FNIP1: variants seen among roughly 807,000 people sequenced by gnomAD.
FNIP1 encodes folliculin interacting protein 1, also known as folliculin-interacting protein 1.
In FNIP1, 40 loss-of-function variants were observed where a neutral mutation model predicts 124.5. That is an observed-to-expected ratio of 0.32 (90% confidence interval 0.25 to 0.42). The LOEUF (loss-of-function observed/expected upper bound fraction) is 0.42. Among genes scored for constraint, FNIP1 ranks in the 10% least tolerant of loss-of-function variants. The pLI, the probability that FNIP1 is intolerant of heterozygous loss-of-function variation, is 1.00. For synonymous variants in FNIP1, 472 were observed against 470.6 expected, an observed-to-expected ratio of 1.00 and a Z score of -0.04; for missense variants, 1,176 against 1,403.7, an observed-to-expected ratio of 0.84 and a Z score of 2.59.
chr5:131,787,461 T>C (rs745760352), intron 1 of FNIP1, among the ~76,000 whole-genome samples: 4 of 152,184 alleles, frequency 2.6e-5, no homozygotes, highest in Non-Finnish European at 5.9e-5. Context: ...TCTGAACTCA[T>C]CAAGTCCATC....
At chr5:131,755,702 A>C (rs558152620) in intron 1 of FNIP1, among the ~76,000 whole-genome samples, 2 of 152,210 alleles carry the variant, frequency 1.3e-5, no homozygotes, top group African/African-American at 4.8e-5. Context: ...ATGGTAAAGC[A>C]CTGTTACAAA....
At chr5:131,688,061 T>A (rs531695695) in intron 11 of FNIP1, among the ~76,000 whole-genome samples, 34 of 151,868 alleles carry the variant, frequency 2.2e-4, no homozygotes, top group African/African-American at 8.2e-4. Context: ...AGGGGATGGC[T>A]AAGAAATACT....
intron 1 of FNIP1, among the ~76,000 whole-genome samples, chr5:131,786,622 C>T (rs192416780): frequency 6.6e-6 from 1 of 152,286 alleles, no homozygotes; most frequent in Admixed American, 6.5e-5. Context: ...ATCCTCAATG[C>T]AACAATTTTG....
At chr5:131,755,933 T>C (rs957233807) in intron 1 of FNIP1, among the ~76,000 whole-genome samples, 9 of 151,524 alleles carry the variant, frequency 5.9e-5, no homozygotes, top group African/African-American at 2.2e-4. Context: ...CGCTTGAACC[T>C]GGGAGGCAAA....
chr5:131,770,198 C>T lies in FNIP1; in HGVS notation c.93-25508G>A, dbSNP rs192045626. Among the ~76,000 whole-genome samples, 34 of 152,276 alleles carry T rather than the reference C, an allele frequency of 2.2e-4. 1 individual carries two copies. In the South Asian group the frequency reaches 2.3e-3, roughly 10 times the overall value. ...CTGACAAGCAAGTTGAAAAGCAGGC[C>T]CTAATGATCACAGGGCCCAGACTGG... On this transcript the variant is annotated intron_variant, in intron 1 of 17. Transcript: ENST00000510461.
intron 11 of FNIP1, among the ~76,000 whole-genome samples, chr5:131,696,555 T>C (rs1768698448): frequency 6.6e-6 from 1 of 152,262 alleles, no homozygotes; most frequent in South Asian, 2.1e-4. Context: ...TACTGAACTG[T>C]ACACCTAAAA....
chr5:131,783,916 A>G (rs1772078227), intron 1 of FNIP1, among the ~76,000 whole-genome samples: 1 of 152,076 alleles, frequency 6.6e-6, no homozygotes, highest in Non-Finnish European at 1.5e-5. Context: ...CATTCTCAGG[A>G]AACTCCTGGA....
At chr5:131,703,285 T>C (rs572525820) in intron 10 of FNIP1, among the ~76,000 whole-genome samples, 2 of 152,368 alleles carry the variant, frequency 1.3e-5, no homozygotes, top group South Asian at 4.1e-4. Context: ...TCTGGATTAC[T>C]GTAACAGTAT....
At chr5:131,755,236 C>A (rs1224889007) in intron 1 of FNIP1, among the ~76,000 whole-genome samples, 1 of 152,060 alleles carries the variant, frequency 6.6e-6, no homozygotes, top group African/African-American at 2.4e-5. Context: ...GCCTGGCCAA[C>A]ATGGCAAAAC....
chr5:131,722,594 T>G (rs1580784906), intron 3 of FNIP1, among the ~76,000 whole-genome samples: 1 of 152,216 alleles, frequency 6.6e-6, no homozygotes, highest in African/African-American at 2.4e-5. Flanking sequence ...ATTATTAGGG[T>G]TAAGATAATC....
At position 131,771,872 on chromosome 5, in the gene FNIP1, C is replaced by T. The variant is rs140621059; in HGVS notation, c.92+24958G>A. Among the ~76,000 whole-genome samples, 320 of 152,154 alleles carry T rather than the reference C, an allele frequency of 2.1e-3. 1 individual carries two copies. The highest frequency in any genetic ancestry group is 7.5e-3 in the African/African-American group (310 of 41,512). The stretch of plus-strand genomic sequence containing the variant: ...AAGCACAGCCTCTTATGTTCCATTC[C>T]ACCTACGCACATTTGACACTATGAC... On this transcript the variant is annotated intron_variant, in intron 1 of 17. Coordinates refer to ENST00000510461, the MANE Select transcript of FNIP1 (RefSeq NM_133372.3).
At chr5:131,770,939 CTTTT>C (rs928445219) in intron 1 of FNIP1, among the ~76,000 whole-genome samples, 1 of 151,960 alleles carries the variant, frequency 6.6e-6, no homozygotes, top group Non-Finnish European at 1.5e-5. Flanking sequence ...GATATAAATT[CTTTT>C]TTTTATTATT....
At chr5:131,788,955 T>C (rs932667546) in intron 1 of FNIP1, among the ~76,000 whole-genome samples, 5 of 152,154 alleles carry the variant, frequency 3.3e-5, no homozygotes, top group African/African-American at 1.2e-4. Context: ...GTCAAAGAAA[T>C]ATCTGCACAC....
At chr5:131,753,408 C>T (rs1206572723) in intron 1 of FNIP1, among the ~76,000 whole-genome samples, 2 of 152,198 alleles carry the variant, frequency 1.3e-5, no homozygotes, top group Non-Finnish European at 2.9e-5. Flanking sequence ...CATTGAAATA[C>T]TACTCAGAAA....
intron 1 of FNIP1, among the ~76,000 whole-genome samples, chr5:131,760,182 T>C (rs750503999): frequency 2.0e-5 from 3 of 152,084 alleles, no homozygotes; most frequent in African/African-American, 4.8e-5. Flanking sequence ...CTAAGCATCA[T>C]ATAATATGCC....
chr5:131,718,806 C>A lies in FNIP1; in HGVS notation c.530+180G>T, dbSNP rs567014193. Among the ~76,000 whole-genome samples, 81 of 152,302 alleles carry A rather than the reference C, an allele frequency of 5.3e-4. 1 individual carries two copies. The highest frequency in any genetic ancestry group is 9.0e-4 in the Non-Finnish European group (61 of 68,028). On this transcript the variant is annotated intron_variant, in intron 5 of 17. Coordinates refer to ENST00000510461, the MANE Select transcript of FNIP1 (RefSeq NM_133372.3). ...TTCTAGCAATTCACAGAAACAGAAA[C>A]CACATCTCATGTTTCTCAACTAAAC...
In FNIP1 at chr5:131,643,419, T is replaced by C. The variant is rs1326657874; in HGVS notation, c.*1266A>G. The C allele has an allele frequency of 6.5e-6, 1 of 152,780 alleles. No homozygotes were observed. Among genetic ancestry groups the C allele is most frequent in the African/African-American group, 2.4e-5 (1 of 41,444 alleles). 9.5% of individuals were successfully genotyped at this position (152,780 alleles called of 1,614,324 possible). On this transcript the variant is annotated 3_prime_UTR_variant, in exon 18 of 18. Coordinates refer to ENST00000510461, the MANE Select transcript of FNIP1 (RefSeq NM_133372.3). Reference sequence around the variant, plus strand: ...CTTTACTACTAGCATTAAAAGTCTCTTAGACCAGATAAGCAAAGAATAAAC... The same window carrying C: ...CTTTACTACTAGCATTAAAAGTCTCCTAGACCAGATAAGCAAAGAATAAAC...
chr5:131,649,127 T>C (rs530448239), intron 16 of FNIP1, among the ~76,000 whole-genome samples: 1 of 152,218 alleles, frequency 6.6e-6, no homozygotes, highest in Non-Finnish European at 1.5e-5. Flanking sequence ...AACAAGAGTA[T>C]ATACTGCCTG....
chr5:131,754,752 A>C (rs1770988657), intron 1 of FNIP1, among the ~76,000 whole-genome samples: 1 of 152,242 alleles, frequency 6.6e-6, no homozygotes, highest in Admixed American at 6.5e-5. Flanking sequence ...GGCAATGAGT[A>C]AACAAAGGTT....
Sources: gnomAD v4.1 joint callset for allele counts (sites outside exome capture counted in the v4.1 genomes callset) on GRCh38, gnomAD v4.1.1 for gene constraint, MANE v1.5 for transcripts, NCBI Gene and HGNC (gene_info 2026-07-23, HGNC 2026-07-21) for gene names.